The following CLSTN2 variants were observed in gnomAD, a reference collection of about 807,000 sequenced individuals.
CLSTN2 encodes calsyntenin 2.
In CLSTN2, 48 loss-of-function variants were observed where a neutral mutation model predicts 101.2. That is an observed-to-expected ratio of 0.47 (90% confidence interval 0.38 to 0.60). The LOEUF (loss-of-function observed/expected upper bound fraction) is 0.60. Ranked by LOEUF, CLSTN2 falls within the 20% of genes least tolerant of loss-of-function variation. The pLI, the probability that CLSTN2 is intolerant of heterozygous loss-of-function variation, is 0.00. For synonymous variants in CLSTN2, 481 were observed against 463.6 expected (o/e 1.04, Z -0.48); for missense variants, 1,160 against 1,238.2 (o/e 0.94, Z 0.95).
chr3:140,152,855 A>T (rs1177431868), intron 1 of CLSTN2, among the ~76,000 whole-genome samples: 2 of 152,194 alleles, frequency 1.3e-5, no homozygotes, highest in Non-Finnish European at 2.9e-5. Context: ...CATACCCAAG[A>T]CACAAATGCT....
At chr3:140,530,949 G>A (rs1320712955) in intron 8 of CLSTN2, among the ~76,000 whole-genome samples, 1 of 152,182 alleles carries the variant, frequency 6.6e-6, no homozygotes, top group African/African-American at 2.4e-5. Flanking sequence ...CAAGCCCAGG[G>A]TGCTCCTACC....
intron 2 of CLSTN2, among the ~76,000 whole-genome samples, chr3:140,280,943 G>C (rs1262793385): frequency 6.6e-6 from 1 of 152,144 alleles, no homozygotes; most frequent in Non-Finnish European, 1.5e-5. Context: ...ATCTTCCCAG[G>C]GTGCTGTATT....
chr3:140,420,505 A>G (rs2088489678), intron 4 of CLSTN2, among the ~76,000 whole-genome samples: 1 of 152,218 alleles, frequency 6.6e-6, no homozygotes, highest in Non-Finnish European at 1.5e-5. Context: ...AGGAGCAAAA[A>G]CACACAAACA....
intron 1 of CLSTN2, among the ~76,000 whole-genome samples, chr3:140,079,658 G>A (rs2008552597): frequency 6.6e-6 from 1 of 151,976 alleles, no homozygotes; most frequent in African/African-American, 2.4e-5. Context: ...GGCTGAAGCA[G>A]GAGAATCGCT....
At chr3:140,502,528 A>G (rs1297169329) in intron 8 of CLSTN2, among the ~76,000 whole-genome samples, 1 of 152,196 alleles carries the variant, frequency 6.6e-6, no homozygotes, top group African/African-American at 2.4e-5. Context: ...TTGGAAGATG[A>G]GCTTTTTGTT....
chr3:139,968,242 TG>T lies in CLSTN2; in HGVS notation c.109+32761del, dbSNP rs551027389. On this transcript the variant is annotated intron_variant, in intron 1 of 16. Coordinates refer to ENST00000458420, the MANE Select transcript of CLSTN2 (RefSeq NM_022131.3). ...CAGAGTTCCAAGGACTTTGTTCCCT[TG>T]GAACAGTGCAATACTTGTTAATAGA... Among the ~76,000 whole-genome samples, 314 of 152,320 alleles carry T rather than the reference TG, an allele frequency of 2.1e-3. 2 individuals carry two copies. Among genetic ancestry groups the T allele is most frequent in the African/African-American group, 6.8e-3 (283 of 41,580 alleles).
chr3:140,462,056 A>G (rs1300628601), intron 7 of CLSTN2, among the ~76,000 whole-genome samples: 8 of 149,320 alleles, frequency 5.4e-5, no homozygotes, highest in Non-Finnish European at 8.9e-5. Context: ...ACAGAAAAGC[A>G]TAAAAGAGAA....
intron 2 of CLSTN2, among the ~76,000 whole-genome samples, chr3:140,294,034 C>T (rs1474597036): frequency 1.3e-5 from 2 of 152,204 alleles, no homozygotes; most frequent in African/African-American, 2.4e-5. Flanking sequence ...TCCATTTACT[C>T]ATCTTCCAAA....
intron 2 of CLSTN2, among the ~76,000 whole-genome samples, chr3:140,388,719 G>A (rs2088080215): frequency 6.6e-6 from 1 of 152,216 alleles, no homozygotes; most frequent in Non-Finnish European, 1.5e-5. Flanking sequence ...AAAGGTTGCT[G>A]TAAAGCCATT....
At chr3:139,983,851 T>A (rs143525488) in intron 1 of CLSTN2, among the ~76,000 whole-genome samples, 4 of 152,206 alleles carry the variant, frequency 2.6e-5, no homozygotes, top group Non-Finnish European at 5.9e-5. Flanking sequence ...TATTATTAAC[T>A]TTGCATATTT....
intron 4 of CLSTN2, among the ~76,000 whole-genome samples, chr3:140,417,818 C>T (rs956385814): frequency 2.6e-5 from 4 of 152,196 alleles, no homozygotes; most frequent in African/African-American, 9.6e-5. Flanking sequence ...TTCTCCCATG[C>T]AACAATTCAT....
chr3:140,036,239 T>C (rs923572513), intron 1 of CLSTN2, among the ~76,000 whole-genome samples: 2 of 151,960 alleles, frequency 1.3e-5, no homozygotes, highest in South Asian at 2.1e-4. Flanking sequence ...TCTGAAGCAC[T>C]AACAATCACA....
chr3:140,419,939 C>A (rs2088482299), intron 4 of CLSTN2, among the ~76,000 whole-genome samples: 1 of 147,730 alleles, frequency 6.8e-6, no homozygotes, highest in South Asian at 2.1e-4. Flanking sequence ...GTCACCCAGG[C>A]TGGAGTACAG....
chr3:140,496,559 C>T (rs151326498), intron 8 of CLSTN2, among the ~76,000 whole-genome samples: 69 of 152,304 alleles, frequency 4.5e-4, no homozygotes, highest in Non-Finnish European at 6.8e-4. Flanking sequence ...AAGGGGAATG[C>T]GTCCAGCTTT....
At chr3:140,253,445 C>T (rs2086580234) in intron 2 of CLSTN2, among the ~76,000 whole-genome samples, 1 of 152,186 alleles carries the variant, frequency 6.6e-6, no homozygotes, top group South Asian at 2.1e-4. Context: ...GCAGCAACTA[C>T]ATTTGTTTAT....
chr3:140,019,168 G>T (rs549215425), intron 1 of CLSTN2, among the ~76,000 whole-genome samples: 96 of 152,162 alleles, frequency 6.3e-4, no homozygotes, highest in Non-Finnish European at 7.9e-4. Flanking sequence ...TGGTGTGACG[G>T]TTAATTTTAT....
intron 2 of CLSTN2, among the ~76,000 whole-genome samples, chr3:140,338,559 T>C (rs1251533718): frequency 6.7e-6 from 1 of 149,862 alleles, no homozygotes. Flanking sequence ...ACATAAAATG[T>C]CCAGTCCCCC....
rs531544787 is a variant in CLSTN2 at position 140,493,712 on chromosome 3, C to A, written c.1344+26981C>A. On this transcript the variant is annotated intron_variant, in intron 8 of 16. Transcript: ENST00000458420. ...CCTCTCTGTGCTAGGATCTGCTCTA[C>A]GAGCTTTGCCTACATTTACTCTTTT... is the stretch of plus-strand genomic sequence containing the variant. Among the ~76,000 whole-genome samples the A allele has an allele frequency of 1.3e-5, 2 of 152,234 alleles. 1 individual carries two copies. The highest frequency in any genetic ancestry group is 4.8e-5 in the African/African-American group (2 of 41,466).
chr3:140,408,047 T>G (rs2088324098), intron 4 of CLSTN2, among the ~76,000 whole-genome samples: 1 of 152,088 alleles, frequency 6.6e-6, no homozygotes. Context: ...AGAAAATAGC[T>G]GTAGGAGAGC....
Sources: allele counts gnomAD v4.1 joint callset (sites outside exome capture counted in the v4.1 genomes callset), GRCh38; gene constraint gnomAD v4.1.1; transcripts MANE v1.5; gene names NCBI Gene and HGNC (gene_info 2026-07-23, HGNC 2026-07-21).